Variants in DICER1 observed in about 807,000 individuals in gnomAD.
DICER1 encodes the protein endoribonuclease Dicer.
In DICER1, 43 loss-of-function variants were observed where a neutral mutation model predicts 194.1. The observed-to-expected ratio is 0.22, with a 90% CI of 0.17 to 0.29. DICER1 has a LOEUF of 0.29. DICER1 is among the 10% of genes least tolerant of loss of function. DICER1 has a pLI of 1.00. For missense variants in DICER1, 1,608 were observed against 2,317.0 expected (o/e 0.69, Z 6.28); for synonymous variants, 832 against 820.5 (o/e 1.01, Z -0.24).
chr14:95,117,177 T>G (rs1892549862), intron 9 of DICER1, among the ~76,000 whole-genome samples: 1 of 151,970 alleles, frequency 6.6e-6, no homozygotes, highest in Non-Finnish European at 1.5e-5. Flanking sequence ...ATATTTAAGC[T>G]AAAATCTATA....
intron 17 of DICER1, 116 bp downstream of exon 17, chr14:95,107,492 T>C (rs1366787924): frequency 2.1e-6 from 2 of 964,574 alleles, no homozygotes; most frequent in Admixed American, 3.4e-5. Context: ...CCTCATGATC[T>C]GCCCGCCTTG....
In DICER1 at chr14:95,134,836, A is replaced by G. The variant is rs544059816; in HGVS notation, c.-45-1333T>C. Among the ~76,000 whole-genome samples, 49 of 152,340 alleles carry G rather than the reference A, an allele frequency of 3.2e-4. 1 individual carries two copies. In the South Asian group the frequency reaches 6.4e-3, roughly 20 times the overall value. Reference sequence around the variant, plus strand: ...TCCAGAAGGGAACAAGCGAAGTACCACAGAGTACTTTATGAGATAATATTA... The same window carrying G: ...TCCAGAAGGGAACAAGCGAAGTACCGCAGAGTACTTTATGAGATAATATTA... On this transcript the variant is annotated intron_variant, in intron 1 of 26. Transcript: ENST00000343455.
chr14:95,113,842 G>A (rs997222339), intron 11 of DICER1, among the ~76,000 whole-genome samples: 1 of 152,228 alleles, frequency 6.6e-6, no homozygotes. Context: ...CTGTGAGGTT[G>A]CGACCTGTGC....
Position 95,095,841 on chromosome 14 carries a change from G to A in DICER1, c.5079C>T (p.His1693=). The A allele has an allele frequency of 6.2e-7, 1 of 1,614,144 alleles. No homozygotes were observed. The highest frequency in any genetic ancestry group is 8.5e-7 in the Non-Finnish European group (1 of 1,180,006). Residue 1693 remains histidine (H), a synonymous_variant, in exon 23 of 27, where the codon CAC becomes CAT. Coordinates refer to ENST00000343455, the MANE Select transcript of DICER1 (RefSeq NM_177438.3). ...LLQAFTHASY[H]YNTITDCYQR... ...GCTCCTTACCAGTGATAGTATTGTAGTGGTAGGAGGCATGTGTAAAAGCCT... is the reference window on the plus strand; with the variant it reads ...GCTCCTTACCAGTGATAGTATTGTAATGGTAGGAGGCATGTGTAAAAGCCT...
chr14:95,096,742 G>C lies in DICER1; in HGVS notation c.4207-29C>G, dbSNP rs547200204. 1.3e-4 allele frequency: 199 copies of C among 1,571,166 alleles called. 4 individuals carry two copies. In the South Asian group the frequency reaches 2.2e-3, roughly 17 times the overall value. On this transcript the variant is annotated intron_variant, in intron 22 of 26. Transcript: ENST00000343455. Reference sequence around the variant, plus strand: ...AAACGAGGGGGAATGGGGAAGGAGGGGAAACATAGCTGCTGTTTTTAAAAG... The same window carrying C: ...AAACGAGGGGGAATGGGGAAGGAGGCGAAACATAGCTGCTGTTTTTAAAAG...
chr14:95,139,151 A>G (rs1894660253), intron 1 of DICER1, among the ~76,000 whole-genome samples: 1 of 152,212 alleles, frequency 6.6e-6, no homozygotes, highest in Admixed American at 6.5e-5. Context: ...CTGTATTTCA[A>G]TCCTATGTGC....
chr14:95,131,802 T>C (rs545220515), intron 3 of DICER1, among the ~76,000 whole-genome samples, 163 bp from the exon 4 acceptor site: 1 of 152,274 alleles, frequency 6.6e-6, no homozygotes, highest in East Asian at 1.9e-4. Flanking sequence ...AAGGTTATCC[T>C]CCAAAAAAAT....
intron 9 of DICER1, among the ~76,000 whole-genome samples, chr14:95,117,169 A>G (rs1330512005): frequency 6.6e-6 from 1 of 152,046 alleles, no homozygotes; most frequent in Non-Finnish European, 1.5e-5. Context: ...GCACAAAAAT[A>G]TTTAAGCTAA....
intron 24 of DICER1, 173 bp from the exon 25 acceptor site, chr14:95,091,538 A>T (rs548664464): frequency 1.1e-4 from 68 of 640,626 alleles, no homozygotes; most frequent in South Asian, 9.6e-4. Context: ...TTATATTTTT[A>T]AAAAAGTTTT....
chr14:95,097,896 G>C (rs17091808), intron 22 of DICER1, among the ~76,000 whole-genome samples: 14,199 of 152,216 alleles, frequency 0.093, 1,026 homozygotes, highest in East Asian at 0.38. Context: ...AAAAGCAACT[G>C]TAGCGGCAGA....
intron 14 of DICER1, among the ~76,000 whole-genome samples, chr14:95,110,978 A>G (rs757751417): frequency 5.9e-5 from 9 of 152,176 alleles, no homozygotes; most frequent in Non-Finnish European, 8.8e-5. Flanking sequence ...GCCCCAAATC[A>G]TAAGTAAAAC....
intron 24 of DICER1, 26 bp downstream of exon 24, chr14:95,093,862 T>G: frequency 6.2e-7 from 1 of 1,613,834 alleles, no homozygotes; most frequent in Non-Finnish European, 8.5e-7. Flanking sequence ...ACCACTTTTT[T>G]CAACATCGTT....
In DICER1 at chr14:95,088,778, G is replaced by A. The variant is rs531315737; in HGVS notation, c.*1720C>T. On this transcript the variant is annotated 3_prime_UTR_variant, in exon 27 of 27. Transcript: ENST00000343455. ...CTGACAGTTTTCTGTCGGTGCACTCGCACAGAGGCATTTCTCTGTGGGTGG... is the reference window on the plus strand; with the variant it reads ...CTGACAGTTTTCTGTCGGTGCACTCACACAGAGGCATTTCTCTGTGGGTGG... 18 of 232,892 alleles carry A rather than the reference G, an allele frequency of 7.7e-5. No homozygotes were observed. Among genetic ancestry groups the A allele is most frequent in the Non-Finnish European group, 1.2e-4 (14 of 117,636 alleles). The allele number at this position is 232,892 out of a possible 1,614,324, so 14.4% of individuals were successfully genotyped here.
At chr14:95,152,748 T>A (rs567528961) in intron 1 of DICER1, among the ~76,000 whole-genome samples, 1 of 152,342 alleles carries the variant, frequency 6.6e-6, no homozygotes, top group South Asian at 2.1e-4. Context: ...CAATTTTAGA[T>A]GAGGAAGCCA....
chr14:95,148,811 T>C (rs999558528), intron 1 of DICER1, among the ~76,000 whole-genome samples: 1 of 152,234 alleles, frequency 6.6e-6, no homozygotes, highest in Non-Finnish European at 1.5e-5. Flanking sequence ...CCCCTTCAAG[T>C]TACCTATAAT....
At chr14:95,095,314 G>T (rs1190696796) in intron 23 of DICER1, 1 of 180,264 alleles carries the variant, frequency 5.5e-6, no homozygotes, top group Non-Finnish European at 1.2e-5. Flanking sequence ...AGTAGAAGAT[G>T]ACAGCAGAGT....
Position 95,117,967 on chromosome 14 carries a change from C to T in DICER1, c.1377-213G>A, listed in dbSNP as rs558050256. On this transcript the variant is annotated intron_variant, in intron 8 of 26. Transcript: ENST00000343455. The stretch of plus-strand genomic sequence containing the variant: ...GACCAAGTACTTATAACGCCAAATA[C>T]AAGATTGGTTTGTACTGACAAATGA... Among the ~76,000 whole-genome samples, 231 of 152,278 alleles carry T rather than the reference C, an allele frequency of 1.5e-3. 1 individual carries two copies. The highest frequency in any genetic ancestry group is 1.6e-3 in the Admixed American group (25 of 15,298).
chr14:95,118,028 C>A (rs747697819), intron 8 of DICER1, among the ~76,000 whole-genome samples: 3 of 152,118 alleles, frequency 2.0e-5, no homozygotes, highest in Admixed American at 2.0e-4. Context: ...GATTTGGCGA[C>A]GGTGATTTAA....
chr14:95,107,613 A>C lies in DICER1; in HGVS notation c.2799T>G (p.Ile933Met). ...CTTTCCATTTAAATACCTACCTTGG[A>C]ATGATAACGGCATCTTGGTAATCTT... ...KLEDYQDAVI[I>M]PRYRNFDQPH... is the part of the protein sequence containing the mutation. The change falls in exon 17 of 27, where the codon ATT becomes ATG. Residue 933 changes from isoleucine (I) to methionine (M), a missense_variant. Around this residue, in one of 10 missense-constraint regions of DICER1, gnomAD observed 150 missense variants for 216.0 expected, o/e 0.69. Coordinates refer to ENST00000343455, the MANE Select transcript of DICER1 (RefSeq NM_177438.3). 1 of 1,613,916 alleles carries C rather than the reference A, an allele frequency of 6.2e-7. No individual in the cohort carries two copies. Among genetic ancestry groups the C allele is most frequent in the Non-Finnish European group, 8.5e-7 (1 of 1,179,836 alleles).
Sources: gnomAD v4.1 joint callset for allele counts (sites outside exome capture counted in the v4.1 genomes callset) on GRCh38, gnomAD v4.1.1 for gene constraint, gnomAD v4.1.1 regional missense constraint, MANE v1.5 for transcripts, NCBI Gene and HGNC (gene_info 2026-07-23, HGNC 2026-07-21) for gene names.